PSPC1: variants seen among roughly 807,000 people sequenced by gnomAD.
The protein encoded by PSPC1 is paraspeckle component 1, also known as paraspeckle protein 1.
A neutral mutation model predicts 51.6 loss-of-function variants in PSPC1; 14 were observed. The ratio of observed to expected loss-of-function variants is 0.27; its 90% CI spans 0.18 to 0.42. The LOEUF (loss-of-function observed/expected upper bound fraction) is 0.42, where lower values mean the gene tolerates loss of function less well. Among genes scored for constraint, PSPC1 ranks in the 10% least tolerant of loss-of-function variants. PSPC1 has a pLI of 1.00. For missense variants in PSPC1, 406 were observed against 701.1 expected (o/e 0.58, Z 4.75); for synonymous variants, 193 against 231.9 (o/e 0.83, Z 1.53).
intron 3 of PSPC1, among the ~76,000 whole-genome samples, chr13:19,752,000 G>C (rs1327192853): frequency 6.6e-6 from 1 of 152,194 alleles, no homozygotes; most frequent in Non-Finnish European, 1.5e-5. Context: ...AGAGCTTATA[G>C]TGAGCTGAGA....
intron 6 of PSPC1, among the ~76,000 whole-genome samples, chr13:19,728,646 T>C (rs989654070): frequency 1.3e-5 from 2 of 152,208 alleles, no homozygotes; most frequent in Non-Finnish European, 1.5e-5. Flanking sequence ...TCATTCATAT[T>C]GCTTTTAGTG....
At chr13:19,706,957 C>T (rs1429050099) in intron 7 of PSPC1, among the ~76,000 whole-genome samples, 1 of 152,078 alleles carries the variant, frequency 6.6e-6, no homozygotes, top group Non-Finnish European at 1.5e-5. Flanking sequence ...ATGCTCTTGC[C>T]GATAAACAGA....
chr13:19,762,090 T>C (rs17301573), intron 2 of PSPC1, among the ~76,000 whole-genome samples: 2 of 152,192 alleles, frequency 1.3e-5, no homozygotes, highest in African/African-American at 4.8e-5. Context: ...TGTAAACTTT[T>C]CACATGTAAG....
chr13:19,730,994 G>A, intron 5 of PSPC1, among the ~76,000 whole-genome samples: 2 of 140,016 alleles, frequency 1.4e-5, no homozygotes, highest in East Asian at 2.1e-4. Flanking sequence ...AAAAGTCTGA[G>A]ATCTACTGAT....
intron 3 of PSPC1, among the ~76,000 whole-genome samples, chr13:19,755,771 T>C (rs1467741296): frequency 6.6e-6 from 1 of 152,106 alleles, no homozygotes; most frequent in Admixed American, 6.6e-5. Flanking sequence ...CTCTACACAC[T>C]GAAGAACTCC....
intron 5 of PSPC1, among the ~76,000 whole-genome samples, chr13:19,739,539 G>A (rs1885200180): frequency 6.6e-6 from 1 of 152,060 alleles, no homozygotes; most frequent in Non-Finnish European, 1.5e-5. Flanking sequence ...CCTGAGGACG[G>A]GAGTTCAAGA....
intron 2 of PSPC1, among the ~76,000 whole-genome samples, chr13:19,765,569 A>G (rs1464067352): frequency 2.0e-5 from 3 of 150,932 alleles, no homozygotes; most frequent in African/African-American, 7.3e-5. Context: ...CCCGGGCTCA[A>G]GCAAACCTCA....
At position 19,782,599 on chromosome 13, in the gene PSPC1, T is replaced by C. The variant is rs753725932; in HGVS notation, c.159A>G (p.Pro53=). Residue 53 remains proline (P), a synonymous_variant, in exon 1 of 9, where the codon CCA becomes CCG. Coordinates refer to ENST00000338910, the MANE Select transcript of PSPC1 (RefSeq NM_001354909.2). The surrounding 1 kb of genome is among the most constrained non-coding windows in gnomAD (Gnocchi z 4.5). Reference sequence around the variant, plus strand: ...CCATCTCCTCGTCCGGGTGGTCCTCTGGAGGCGCGGGCGCGGGCGGTGCCG... The same window carrying C: ...CCATCTCCTCGTCCGGGTGGTCCTCCGGAGGCGCGGGCGCGGGCGGTGCCG... The part of the protein sequence containing the change: ...GEPAPPAPAP[P]EDHPDEEMGF... The C allele has an allele frequency of 4.4e-6, 7 of 1,587,056 alleles. No homozygotes were observed. The highest frequency in any genetic ancestry group is 1.8e-5 in the Admixed American group (1 of 55,896).
intron 3 of PSPC1, 126 bp downstream of exon 3, chr13:19,759,186 CATTCCATGTAG>C: frequency 1.6e-6 from 1 of 634,074 alleles, no homozygotes; most frequent in Admixed American, 3.0e-5. Flanking sequence ...AGAAAACTAG[CATTCCATGTAG>C]ACTAGACCAC....
intron 6 of PSPC1, among the ~76,000 whole-genome samples, chr13:19,682,781 G>C (rs1674540): frequency 6.6e-6 from 1 of 152,010 alleles, no homozygotes; most frequent in Non-Finnish European, 1.5e-5. Flanking sequence ...ACCTGCCCTA[G>C]ACTGACAGTA....
At chr13:19,718,086 A>G (rs1006486092) in intron 6 of PSPC1, among the ~76,000 whole-genome samples, 8 of 152,196 alleles carry the variant, frequency 5.3e-5, no homozygotes, top group Non-Finnish European at 7.3e-5. Context: ...AAAAAAATAT[A>G]CGTTTCTATT....
intron 7 of PSPC1, chr13:19,675,921 T>C (rs1480621822): frequency 6.6e-6 from 1 of 152,216 alleles, no homozygotes; most frequent in Non-Finnish European, 1.5e-5. Flanking sequence ...TCTTTACATG[T>C]TTCTGGAGTG....
chr13:19,731,611 G>A (rs1884132689), intron 5 of PSPC1, among the ~76,000 whole-genome samples: 1 of 152,144 alleles, frequency 6.6e-6, no homozygotes, highest in Admixed American at 6.5e-5. Flanking sequence ...ACAGGGTCTT[G>A]CCATGTTGCC....
At chr13:19,679,996 T>C (rs1303671353) in intron 6 of PSPC1, among the ~76,000 whole-genome samples, 1 of 152,180 alleles carries the variant, frequency 6.6e-6, no homozygotes, top group Non-Finnish European at 1.5e-5. Flanking sequence ...TGTCAATATT[T>C]AATTTCAATT....
chr13:19,746,388 C>A (rs1273770625), intron 4 of PSPC1, among the ~76,000 whole-genome samples: 3 of 148,656 alleles, frequency 2.0e-5, no homozygotes, highest in Non-Finnish European at 4.5e-5. Flanking sequence ...GGCAACAGAG[C>A]GAGACTCCGT....
Position 19,751,586 on chromosome 13 carries a change from T to C in PSPC1, c.771-119A>G, listed in dbSNP as rs1337089291. The C allele has an allele frequency of 7.0e-6, 4 of 571,426 alleles. No individual in the cohort carries two copies. In the East Asian group the frequency reaches 1.3e-4, roughly 19 times the overall value. The allele number at this position is 571,426 out of a possible 1,614,324, so 35.4% of individuals were successfully genotyped here. The stretch of plus-strand genomic sequence containing the variant: ...TGTGAGACACCGTGTCTACATGAAT[T>C]ACCTCGTGACAATATTGTGATTACA... On this transcript the variant is annotated intron_variant, in intron 3 of 8. Transcript: ENST00000338910.
intron 1 of PSPC1, among the ~76,000 whole-genome samples, chr13:19,780,766 T>C (rs1889870102): frequency 6.6e-6 from 1 of 150,396 alleles, no homozygotes; most frequent in Non-Finnish European, 1.5e-5. Context: ...CCCATGACCC[T>C]GCCAAATCCC....
intron 1 of PSPC1, among the ~76,000 whole-genome samples, chr13:19,781,620 G>A (rs1365192408): frequency 1.3e-5 from 2 of 151,984 alleles, no homozygotes; most frequent in Non-Finnish European, 1.5e-5. Flanking sequence ...CAGATTAAAC[G>A]GTGTTACTTG....
chr13:19,778,028 G>C (rs988537093), intron 1 of PSPC1, among the ~76,000 whole-genome samples: 1 of 152,024 alleles, frequency 6.6e-6, no homozygotes, highest in African/African-American at 2.4e-5. Context: ...CGGATCACGA[G>C]GTCAATAGGT....
Sources: allele counts gnomAD v4.1 joint callset (sites outside exome capture counted in the v4.1 genomes callset), GRCh38; gene constraint gnomAD v4.1.1; non-coding constraint Gnocchi (gnomAD v3.1); transcripts MANE v1.5; gene names NCBI Gene and HGNC (gene_info 2026-07-23, HGNC 2026-07-21).